The following CHD8 variants were observed in gnomAD, a reference collection of about 807,000 sequenced individuals.
The protein encoded by CHD8 is ATP-dependent chromatin remodeler CHD8.
Under a neutral mutation model 279.2 loss-of-function variants are expected in CHD8, and 31 were observed. That is an observed-to-expected ratio of 0.11 (90% confidence interval 0.08 to 0.15). CHD8 has a LOEUF of 0.15. Among genes scored for constraint, CHD8 ranks in the 10% least tolerant of loss-of-function variants. The pLI, the probability that CHD8 is intolerant of heterozygous loss-of-function variation, is 1.00. For missense variants in CHD8, 2,146 were observed against 3,230.5 expected (o/e 0.66, Z 8.14); for synonymous variants, 1,081 against 1,139.6 (o/e 0.95, Z 1.04).
At chr14:21,418,215 A>G (rs1888830814) in intron 5 of CHD8, among the ~76,000 whole-genome samples, 1 of 152,080 alleles carries the variant, frequency 6.6e-6, no homozygotes, top group East Asian at 1.9e-4. Context: ...TACATACTGT[A>G]TGATACTACT....
chr14:21,429,784 A>G, intron 2 of CHD8: 1 of 272,210 alleles, frequency 3.7e-6, no homozygotes, highest in Non-Finnish European at 7.4e-6. Flanking sequence ...CTGGTACTAT[A>G]GGTGCATGCC....
chr14:21,399,518 T>C (rs1887939671), intron 26 of CHD8, 84 bp downstream of exon 26: 2 of 929,218 alleles, frequency 2.2e-6, no homozygotes, highest in Non-Finnish European at 1.8e-6. Context: ...AACTGAGTTA[T>C]TTCTCAGGAG....
rs758715024 is a variant in CHD8, at chr14:21,393,877, G to A, written c.5918C>T (p.Pro1973Leu). Residue 1973 changes from proline (P) to leucine (L), a missense_variant, in exon 32 of 38, where the codon CCA (proline) becomes CTA (leucine). Coordinates refer to ENST00000646647, the MANE Select transcript of CHD8 (RefSeq NM_001170629.2). ...AGAGCAGCGTGACAAGGATGGAGCT[G>A]GTGCTCCTGCTTGATGGTTCTGCAT... The part of the protein sequence containing the change: ...NYMQNHQAGA[P>L]APSLSRCSTP... 1.2e-6 allele frequency: 2 copies of A among 1,613,814 alleles called. No individual in the cohort carries two copies. Among genetic ancestry groups the A allele is most frequent in the Non-Finnish European group, 1.7e-6 (2 of 1,179,848 alleles).
chr14:21,424,972 G>A (rs1359191687), intron 5 of CHD8, among the ~76,000 whole-genome samples: 1 of 152,212 alleles, frequency 6.6e-6, no homozygotes, highest in East Asian at 1.9e-4. Flanking sequence ...GAGCTACTTA[G>A]AAGCACTATG....
intron 1 of CHD8, among the ~76,000 whole-genome samples, chr14:21,447,482 C>T (rs753637227): frequency 5.3e-5 from 8 of 151,964 alleles, no homozygotes; most frequent in Non-Finnish European, 5.9e-5. Flanking sequence ...AGTTATTCTC[C>T]CACTTCAGCC....
chr14:21,436,456 A>G, intron 1 of CHD8, among the ~76,000 whole-genome samples: 1 of 152,264 alleles, frequency 6.6e-6, no homozygotes, highest in East Asian at 1.9e-4. Context: ...GAAATGAAAA[A>G]TAAACATCCA....
At chr14:21,419,663 T>G (rs575136839) in intron 5 of CHD8, 250 of 201,738 alleles carry the variant, frequency 1.2e-3, no homozygotes, top group African/African-American at 5.8e-3. Context: ...AGCTGGGCCA[T>G]CCCTGCCACT....
intron 1 of CHD8, among the ~76,000 whole-genome samples, chr14:21,449,609 A>G (rs1890210831): frequency 1.3e-5 from 2 of 152,254 alleles, no homozygotes; most frequent in South Asian, 4.1e-4. Context: ...CAAGTCTTTA[A>G]CATCATAACC....
chr14:21,450,251 T>G (rs1310229830), intron 1 of CHD8, among the ~76,000 whole-genome samples: 1 of 152,230 alleles, frequency 6.6e-6, no homozygotes, highest in Non-Finnish European at 1.5e-5. Context: ...TCTGTTATGA[T>G]TTGGGTGTAT....
intron 10 of CHD8, among the ~76,000 whole-genome samples, chr14:21,410,258 CAACTA>C (rs1470156948): frequency 7.3e-5 from 11 of 151,620 alleles, no homozygotes; most frequent in Non-Finnish European, 1.0e-4. Context: ...ACATGCTCGT[CAACTA>C]AACAGATGAA....
chr14:21,454,643 G>C (rs751818626), intron 1 of CHD8, among the ~76,000 whole-genome samples: 1 of 152,080 alleles, frequency 6.6e-6, no homozygotes, highest in Non-Finnish European at 1.5e-5. Flanking sequence ...TTTCTCCTAA[G>C]CCTGTCTCTT....
chr14:21,444,684 A>C (rs910673447), intron 1 of CHD8, among the ~76,000 whole-genome samples: 1 of 152,026 alleles, frequency 6.6e-6, no homozygotes, highest in Non-Finnish European at 1.5e-5. Flanking sequence ...GTTTTCCTTC[A>C]ATCTATTTAA....
chr14:21,429,426 T>G (rs771643456), intron 2 of CHD8, 91 bp from the exon 3 acceptor site: 1 of 1,301,084 alleles, frequency 7.7e-7, no homozygotes, highest in South Asian at 1.2e-5. Flanking sequence ...GCTAGAATCA[T>G]AAAAACTACA....
intron 5 of CHD8, among the ~76,000 whole-genome samples, chr14:21,422,096 A>T (rs1404981049): frequency 6.6e-6 from 1 of 152,148 alleles, no homozygotes; most frequent in Admixed American, 6.5e-5. Context: ...ATTCCAGCAC[A>T]TTGGGAGGAC....
chr14:21,405,408 A>G lies in CHD8; in HGVS notation c.3108T>C (p.Asp1036=). ...GTTTGGGTGCCAAGTTTTTTTCAAC[A>G]TCCTCTTTGAGTCTTCTCAGCATCA... ...KPMMLRRLKE[D]VEKNLAPKQE... is the part of the protein sequence containing the mutation. The change falls in exon 16 of 38, where the codon GAT becomes GAC. Residue 1036 remains aspartate, a synonymous_variant. Coordinates refer to ENST00000646647, the MANE Select transcript of CHD8 (RefSeq NM_001170629.2). This position sits in a 1 kb window ranked among gnomAD's most constrained non-coding sequence, Gnocchi z 4.2. 1.2e-6 allele frequency: 2 copies of G among 1,600,380 alleles called. No individual in the cohort carries two copies. Among genetic ancestry groups the G allele is most frequent in the Non-Finnish European group, 1.7e-6 (2 of 1,172,596 alleles).
At chr14:21,446,849 G>A (rs1890135162) in intron 1 of CHD8, among the ~76,000 whole-genome samples, 1 of 152,120 alleles carries the variant, frequency 6.6e-6, no homozygotes, top group East Asian at 1.9e-4. Flanking sequence ...CTTCTCCTTT[G>A]TTGTAAAGAT....
chr14:21,396,568 T>C (rs1887794505), intron 27 of CHD8: 1 of 151,628 alleles, frequency 6.6e-6, no homozygotes, highest in East Asian at 1.9e-4. Flanking sequence ...GCCTAGTCTT[T>C]TATTTATTTA....
rs1246364232 is a variant in CHD8, at chr14:21,393,505, T to C, written c.6290A>G (p.Glu2097Gly). ...SSSSSSSSTD[E>G]SEDEKEEKLT... ...CTTCTCTTCCTTCTCATCCTCACTC[T>C]CATCAGTGCTGGAGCTGGAGCTGGA... Residue 2097 changes from glutamate to glycine, a missense_variant, in exon 32 of 38, where the codon GAG becomes GGG. Physicochemically the swap from Glu to Gly is moderately conservative, Grantham distance 98. This residue lies in a region of CHD8 where 513 missense variants were observed against 637.6 expected (regional missense o/e 0.80). Coordinates refer to ENST00000646647, the MANE Select transcript of CHD8 (RefSeq NM_001170629.2). 1 of 1,585,098 alleles carries C rather than the reference T, an allele frequency of 6.3e-7. No individual in the cohort carries two copies. Among genetic ancestry groups the C allele is most frequent in the Admixed American group, 1.8e-5 (1 of 54,912 alleles).
rs1024446081 is a variant in CHD8 at position 21,403,758 on chromosome 14, T to A, written c.3308-95A>T. ...AGAAAGCAAAAGGAAAAAAATGTAA[T>A]TTGACTTAAGACCAACATTTCTCAC... On this transcript the variant is annotated intron_variant, in intron 16 of 37. Coordinates refer to ENST00000646647, the MANE Select transcript of CHD8 (RefSeq NM_001170629.2). This position sits in a 1 kb window ranked among gnomAD's most constrained non-coding sequence, Gnocchi z 4.3. 1.8e-6 allele frequency: 2 copies of A among 1,092,304 alleles called. No individual in the cohort carries two copies. The highest frequency in any genetic ancestry group is 1.6e-5 in the African/African-American group (1 of 63,130). The allele number at this position is 1,092,304 out of a possible 1,614,324, so 67.7% of individuals were successfully genotyped here. A position where few individuals can be genotyped will look rare whatever the true frequency, so the allele number is the denominator to read the frequency against.
Sources: gnomAD v4.1 joint callset for allele counts (sites outside exome capture counted in the v4.1 genomes callset) on GRCh38, gnomAD v4.1.1 for gene constraint, gnomAD v4.1.1 regional missense constraint, Gnocchi (gnomAD v3.1) non-coding constraint, MANE v1.5 for transcripts, NCBI Gene and HGNC (gene_info 2026-07-23, HGNC 2026-07-21) for gene names.